AP4E1: variants seen among roughly 807,000 people sequenced by gnomAD.
AP4E1 encodes adaptor related protein complex 4 subunit epsilon 1, also known as AP-4 complex subunit epsilon-1.
In AP4E1, 56 loss-of-function variants were observed where a neutral mutation model predicts 128.2. The ratio of observed to expected loss-of-function variants is 0.44; its 90% CI spans 0.35 to 0.55. The LOEUF is 0.55. AP4E1 is among the 20% of genes least tolerant of loss of function. The pLI, the probability that AP4E1 is intolerant of heterozygous loss-of-function variation, is 0.00. For synonymous variants in AP4E1, 484 were observed against 473.1 expected (o/e 1.02, Z -0.30); for missense variants, 1,324 against 1,307.7 (o/e 1.01, Z -0.19).
chr15:50,927,746 T>G (rs1340630624), intron 5 of AP4E1, among the ~76,000 whole-genome samples: 1 of 152,142 alleles, frequency 6.6e-6, no homozygotes, highest in Non-Finnish European at 1.5e-5. Flanking sequence ...TTAATGGAAT[T>G]TGTATGACCA....
intron 18 of AP4E1, among the ~76,000 whole-genome samples, chr15:50,998,622 T>TC (rs2064914199): frequency 6.6e-6 from 1 of 151,328 alleles, no homozygotes; most frequent in Non-Finnish European, 1.5e-5. Flanking sequence ...AGAGTGAGAC[T>TC]CCATCTCAAA....
intron 13 of AP4E1, among the ~76,000 whole-genome samples, chr15:50,950,586 A>G (rs1450499292): frequency 6.6e-6 from 1 of 152,080 alleles, no homozygotes; most frequent in African/African-American, 2.4e-5. Context: ...TACTTACATT[A>G]TTAACTTCTT....
upstream of AP4E1, chr15:50,908,585 C>G (rs1476691804): frequency 1.5e-6 from 1 of 647,344 alleles, no homozygotes. Flanking sequence ...CTTTTCCACC[C>G]CCGCGGTCTC....
In AP4E1 at chr15:50,933,086, C is replaced by A. The variant is rs1035492900; in HGVS notation, c.870-1538C>A. Among the ~76,000 whole-genome samples, 5 of 152,146 alleles carry A rather than the reference C, an allele frequency of 3.3e-5. No homozygotes were observed. The South Asian group carries it at 6.2e-4, about 19-fold the overall frequency. ...TAACTCACTATCTTCCTTTTTCTTG[C>A]CTTCATGGATAAATTTGGATAATAC... On this transcript the variant is annotated intron_variant, in intron 7 of 20. Coordinates refer to ENST00000261842, the MANE Select transcript of AP4E1 (RefSeq NM_007347.5).
intron 14 of AP4E1, among the ~76,000 whole-genome samples, chr15:50,963,931 A>G (rs536977398): frequency 5.3e-5 from 8 of 152,218 alleles, no homozygotes; most frequent in Non-Finnish European, 1.0e-4. Flanking sequence ...TTTCCAGAAG[A>G]GACACTCTTA....
chr15:50,959,444 C>G (rs2064279713), intron 14 of AP4E1, among the ~76,000 whole-genome samples: 1 of 152,004 alleles, frequency 6.6e-6, no homozygotes, highest in Admixed American at 6.6e-5. Context: ...AAAAAACCCC[C>G]AAAACTGCCA....
At chr15:50,907,566 G>C (rs1455063524), upstream of AP4E1, among the ~76,000 whole-genome samples, 1 of 151,936 alleles carries the variant, frequency 6.6e-6, no homozygotes, top group Non-Finnish European at 1.5e-5. Flanking sequence ...GGAGTACTGA[G>C]AGCAAATTGC....
At chr15:50,909,996 A>T (rs913341438) in intron 1 of AP4E1, among the ~76,000 whole-genome samples, 14 of 138,826 alleles carry the variant, frequency 1.0e-4, no homozygotes, top group Non-Finnish European at 2.0e-4. Context: ...TAAAATTTTT[A>T]AATTTTTAAT....
At chr15:50,951,982 C>T (rs949097406) in intron 13 of AP4E1, among the ~76,000 whole-genome samples, 1 of 152,080 alleles carries the variant, frequency 6.6e-6, no homozygotes, top group African/African-American at 2.4e-5. Context: ...CTGCCTCAGC[C>T]TCCCAAAGTG....
In AP4E1 at chr15:50,943,835, T is replaced by C. The variant is rs184895853; in HGVS notation, c.1176+2060T>C. 2.6e-4 allele frequency among the ~76,000 whole-genome samples: 40 copies of C among 152,282 alleles called. No homozygotes were observed. In the East Asian group the frequency reaches 7.3e-3, roughly 28 times the overall value. The stretch of plus-strand genomic sequence containing the variant: ...AGTGTGAATACAAAGGGATGATTCA[T>C]GTCCCAGATGGAGTAGGATGGTGCA... On this transcript the variant is annotated intron_variant, in intron 10 of 20. Coordinates refer to ENST00000261842, the MANE Select transcript of AP4E1 (RefSeq NM_007347.5).
chr15:50,950,230 A>T, intron 13 of AP4E1, 61 bp downstream of exon 13: 1 of 1,192,638 alleles, frequency 8.4e-7, no homozygotes, highest in Non-Finnish European at 1.2e-6. Context: ...CCAAATGTTA[A>T]CATATTTTCT....
At chr15:50,936,557 A>T (rs908155849) in intron 8 of AP4E1, among the ~76,000 whole-genome samples, 5 of 152,144 alleles carry the variant, frequency 3.3e-5, no homozygotes, top group African/African-American at 1.2e-4. Context: ...CCTGGGGATA[A>T]CCACTGTTAC....
chr15:50,970,150 C>G (rs950929747), intron 15 of AP4E1, among the ~76,000 whole-genome samples: 14 of 152,256 alleles, frequency 9.2e-5, no homozygotes, highest in African/African-American at 3.4e-4. Context: ...TCTATGAGAT[C>G]AGTTTTCTTT....
At chr15:50,912,232 C>T (rs1177570496) in intron 2 of AP4E1, 83 bp downstream of exon 2, 10 of 1,231,998 alleles carry the variant, frequency 8.1e-6, no homozygotes, top group African/African-American at 6.0e-5. Flanking sequence ...AACTGATGAT[C>T]GGTTGCTAAA....
rs141610510 is a variant in AP4E1 at position 50,910,271 on chromosome 15, C to T, written c.150+1343C>T. Among the ~76,000 whole-genome samples, 368 of 152,326 alleles carry T rather than the reference C, an allele frequency of 2.4e-3. 1 individual carries two copies. The highest frequency in any genetic ancestry group is 4.3e-3 in the Non-Finnish European group (295 of 68,028). On this transcript the variant is annotated intron_variant, in intron 1 of 20. Transcript: ENST00000261842. Reference sequence around the variant, plus strand: ...GTGCTGGGATTACAGGCATGAGCCACCGCGCCGGGCCCCCACAGGCGCTCG... The same window carrying T: ...GTGCTGGGATTACAGGCATGAGCCATCGCGCCGGGCCCCCACAGGCGCTCG...
At chr15:50,985,188 C>A (rs939687407) in intron 16 of AP4E1, among the ~76,000 whole-genome samples, 62 of 152,044 alleles carry the variant, frequency 4.1e-4, no homozygotes, top group African/African-American at 1.5e-3. Flanking sequence ...TGTTTGAGTT[C>A]TTTGTAGATT....
At chr15:50,941,867 G>A in intron 10 of AP4E1, 92 bp downstream of exon 10, 1 of 884,378 alleles carries the variant, frequency 1.1e-6, no homozygotes, top group South Asian at 1.4e-5. Flanking sequence ...GGTGGGCAGT[G>A]TGTATGTTTG....
At chr15:50,977,031 C>T (rs1315605827) in intron 15 of AP4E1, among the ~76,000 whole-genome samples, 1 of 152,066 alleles carries the variant, frequency 6.6e-6, no homozygotes. Context: ...AATCAGTTTC[C>T]TCTCATTAAC....
intron 15 of AP4E1, 90 bp downstream of exon 15, chr15:50,968,467 C>A: frequency 2.1e-6 from 2 of 967,276 alleles, no homozygotes; most frequent in Non-Finnish European, 3.2e-6. Context: ...AAGATATTTA[C>A]TTTCTATTAT....
Sources: allele counts gnomAD v4.1 joint callset (sites outside exome capture counted in the v4.1 genomes callset), GRCh38; gene constraint gnomAD v4.1.1; transcripts MANE v1.5; gene names NCBI Gene and HGNC (gene_info 2026-07-23, HGNC 2026-07-21).